Variants in SLIT3 observed in about 807,000 individuals in gnomAD.
SLIT3 encodes slit guidance ligand 3.
A neutral mutation model predicts 184.0 loss-of-function variants in SLIT3; 68 were observed. The observed-to-expected ratio is 0.37, with a 90% CI of 0.30 to 0.45. The LOEUF is 0.45. Ranked by LOEUF, SLIT3 falls within the 20% of genes least tolerant of loss-of-function variation. The pLI, the probability that SLIT3 is intolerant of heterozygous loss-of-function variation, is 1.00. For synonymous variants in SLIT3, 831 were observed against 828.6 expected (o/e 1.00, Z -0.05); for missense variants, 1,707 against 2,026.0 (o/e 0.84, Z 3.02).
At chr5:168,914,592 A>G (rs1011819924) in intron 4 of SLIT3, among the ~76,000 whole-genome samples, 2 of 151,958 alleles carry the variant, frequency 1.3e-5, no homozygotes, top group African/African-American at 4.8e-5. Context: ...TCTATTCCCA[A>G]CTCTGCCACT....
At chr5:169,035,983 T>C (rs957730061) in intron 4 of SLIT3, 1 of 152,218 alleles carries the variant, frequency 6.6e-6, no homozygotes, top group South Asian at 2.1e-4. Context: ...GCACATTTTA[T>C]TGATGTGAAA....
At chr5:168,952,887 TG>T (rs967488703) in intron 4 of SLIT3, among the ~76,000 whole-genome samples, 14 of 152,058 alleles carry the variant, frequency 9.2e-5, no homozygotes, top group Middle Eastern at 3.4e-3. Context: ...TGTGGGCAGG[TG>T]GGGGTTTATA....
At chr5:168,697,816 C>T (rs921179223) in intron 27 of SLIT3, among the ~76,000 whole-genome samples, 1 of 152,196 alleles carries the variant, frequency 6.6e-6, no homozygotes, top group African/African-American at 2.4e-5. Flanking sequence ...TTCTTCAGAG[C>T]CAGACAGAGG....
chr5:168,848,470 G>A (rs1758558530), intron 5 of SLIT3, among the ~76,000 whole-genome samples: 1 of 152,152 alleles, frequency 6.6e-6, no homozygotes, highest in Non-Finnish European at 1.5e-5. Context: ...CTATTTTTTT[G>A]GAGGCCACTT....
chr5:169,184,622 C>A (rs1024764526), intron 4 of SLIT3, among the ~76,000 whole-genome samples: 1 of 152,202 alleles, frequency 6.6e-6, no homozygotes, highest in African/African-American at 2.4e-5. Flanking sequence ...AAAGTCAAAT[C>A]CCCCGGTCCA....
intron 3 of SLIT3, among the ~76,000 whole-genome samples, chr5:169,226,345 T>C (rs1336748596): frequency 1.3e-5 from 2 of 151,838 alleles, no homozygotes; most frequent in South Asian, 2.1e-4. Context: ...CCCCTTTTCT[T>C]CCCCTGACCC....
At chr5:169,213,382 C>T (rs368909005) in intron 3 of SLIT3, among the ~76,000 whole-genome samples, 4 of 152,266 alleles carry the variant, frequency 2.6e-5, no homozygotes, top group Admixed American at 2.0e-4. Context: ...TCAATGCTAT[C>T]CCTATCAAGC....
At chr5:169,297,086 T>G (rs1767525575) in intron 1 of SLIT3, among the ~76,000 whole-genome samples, 1 of 152,278 alleles carries the variant, frequency 6.6e-6, no homozygotes, top group Non-Finnish European at 1.5e-5. Context: ...TACTCTGTGC[T>G]CCATGGTAAA....
At chr5:169,205,847 A>C (rs566891539) in intron 3 of SLIT3, among the ~76,000 whole-genome samples, 4 of 152,258 alleles carry the variant, frequency 2.6e-5, no homozygotes, top group African/African-American at 9.6e-5. Context: ...CAGTAGCACA[A>C]ATCAAACACT....
At chr5:169,140,365 C>T (rs1453680356) in intron 4 of SLIT3, among the ~76,000 whole-genome samples, 4 of 146,182 alleles carry the variant, frequency 2.7e-5, no homozygotes, top group African/African-American at 1.0e-4. Flanking sequence ...CCTGTAGTCC[C>T]AGCTACTCGG....
chr5:168,758,166 C>T (rs759347916), intron 16 of SLIT3, among the ~76,000 whole-genome samples: 9 of 152,196 alleles, frequency 5.9e-5, no homozygotes, highest in Non-Finnish European at 1.0e-4. Context: ...GAGACCTCAC[C>T]ACTCCCTTTT....
At chr5:169,265,617 T>C (rs533397441) in intron 1 of SLIT3, among the ~76,000 whole-genome samples, 10 of 152,202 alleles carry the variant, frequency 6.6e-5, no homozygotes, top group Non-Finnish European at 1.2e-4. Flanking sequence ...AGCATGATTT[T>C]AGGCAGGTTA....
chr5:169,256,168 C>T (rs910876428), intron 1 of SLIT3, among the ~76,000 whole-genome samples: 5 of 151,932 alleles, frequency 3.3e-5, no homozygotes, highest in Admixed American at 3.3e-4. Flanking sequence ...GATATTTAGC[C>T]AGTCATGGTG....
intron 4 of SLIT3, among the ~76,000 whole-genome samples, chr5:169,051,806 G>C (rs1019512843): frequency 2.6e-5 from 4 of 152,178 alleles, no homozygotes; most frequent in African/African-American, 4.8e-5. Flanking sequence ...TACAGCACTG[G>C]AGAGAGGGGG....
intron 10 of SLIT3, among the ~76,000 whole-genome samples, chr5:168,793,806 G>T (rs1012798180): frequency 1.3e-5 from 2 of 152,134 alleles, no homozygotes; most frequent in South Asian, 2.1e-4. Flanking sequence ...GAATTGGGGG[G>T]GGGGATGCAT....
At chr5:168,904,288 A>C (rs1213999588) in intron 4 of SLIT3, among the ~76,000 whole-genome samples, 1 of 152,132 alleles carries the variant, frequency 6.6e-6, no homozygotes, top group African/African-American at 2.4e-5. Flanking sequence ...CTTTTCTGCT[A>C]AGTTTGCTTC....
intron 4 of SLIT3, among the ~76,000 whole-genome samples, chr5:169,101,757 T>C (rs1259098129): frequency 1.3e-5 from 2 of 152,240 alleles, no homozygotes; most frequent in African/African-American, 2.4e-5. Flanking sequence ...CTGGGTACTA[T>C]TTGCAATATG....
In SLIT3 at chr5:168,858,810, T is replaced by C. The variant is rs1758997553; in HGVS notation, c.486-14155A>G. Reference sequence around the variant, plus strand: ...CATCCTAGGTTACTCACAGGCATTCTTGGCATTTACATCCCGGGGACTCAG... The same window carrying C: ...CATCCTAGGTTACTCACAGGCATTCCTGGCATTTACATCCCGGGGACTCAG... On this transcript the variant is annotated intron_variant, in intron 5 of 35. Coordinates refer to ENST00000519560, the MANE Select transcript of SLIT3 (RefSeq NM_003062.4). 6.6e-5 allele frequency among the ~76,000 whole-genome samples: 10 copies of C among 152,354 alleles called. No homozygotes were observed. The South Asian group carries it at 2.1e-3, about 32-fold the overall frequency.
chr5:168,801,126 CCAGT>C (rs1344380930), intron 9 of SLIT3, among the ~76,000 whole-genome samples: 2 of 151,892 alleles, frequency 1.3e-5, no homozygotes, highest in Non-Finnish European at 2.9e-5. Flanking sequence ...TGCTCTGTTC[CCAGT>C]CACTCTGTCT....
Sources: gnomAD v4.1 joint callset for allele counts (sites outside exome capture counted in the v4.1 genomes callset) on GRCh38, gnomAD v4.1.1 for gene constraint, MANE v1.5 for transcripts, NCBI Gene and HGNC (gene_info 2026-07-23, HGNC 2026-07-21) for gene names.